Variants in SLC22A23 observed in about 807,000 individuals in gnomAD.
SLC22A23 encodes the protein ion transporter protein.
SLC22A23 carries 26 observed loss-of-function variants against 61.0 expected under a neutral mutation model. The ratio of observed to expected loss-of-function variants is 0.43; its 90% confidence interval spans 0.31 to 0.59. The LOEUF is 0.59. SLC22A23 is among the 20% of genes least tolerant of loss of function. The pLI is 0.11. For synonymous variants in SLC22A23, 430 were observed against 413.9 expected, an observed-to-expected ratio of 1.04 and a Z score of -0.47; for missense variants, 796 against 934.7, an observed-to-expected ratio of 0.85 and a Z score of 1.94.
Position 3,317,113 on chromosome 6 carries a change from CCCTT to C in SLC22A23, c.1082+6717_1082+6720del, listed in dbSNP as rs1310102250. Among the ~76,000 whole-genome samples, 2 of 152,214 alleles carry C rather than the reference CCCTT, an allele frequency of 1.3e-5. No homozygotes were observed. Among genetic ancestry groups the C allele is most frequent in the African/African-American group, 4.8e-5 (2 of 41,450 alleles). ...CAGCCTCTCCAACAGCCTTCTCCCT[CCCTT>C]GTCATTCCTCAATAGTGAATTCCCG... On this transcript the variant is annotated intron_variant, in intron 4 of 9. Coordinates refer to ENST00000406686, the MANE Select transcript of SLC22A23 (RefSeq NM_015482.2). This position sits in a 1 kb window ranked among gnomAD's most constrained non-coding sequence, Gnocchi z 4.4.
In SLC22A23 at chr6:3,372,311, G is replaced by A. The variant is rs1079284; in HGVS notation, c.913+37877C>T. On this transcript the variant is annotated intron_variant, in intron 3 of 9. Transcript: ENST00000406686. The surrounding 1 kb of genome is among the most constrained non-coding windows in gnomAD (Gnocchi z 4.7). ...AAGTAGGGTATGAATGCAGTAACAGGTAACAGGGATTTGAAAATGTGGAAT... is the reference window on the plus strand; with the variant it reads ...AAGTAGGGTATGAATGCAGTAACAGATAACAGGGATTTGAAAATGTGGAAT... Among the ~76,000 whole-genome samples, 60,989 of 152,090 alleles carry A rather than the reference G, an allele frequency of 0.4. 12,624 individuals carry two copies. The highest frequency in any genetic ancestry group is 0.51 in the African/African-American group (20,966 of 41,464).
chr6:3,429,798 C>T (rs1770741436), intron 1 of SLC22A23, among the ~76,000 whole-genome samples: 1 of 152,092 alleles, frequency 6.6e-6, no homozygotes, highest in African/African-American at 2.4e-5. Flanking sequence ...TAAGCCATCA[C>T]TAAAAGACAA....
In SLC22A23 at chr6:3,298,273, G is replaced by C. The variant is rs544477945; in HGVS notation, c.1083-55C>G. The C allele has an allele frequency of 5.2e-6, 8 of 1,551,472 alleles. No individual in the cohort carries two copies. In the African/African-American group the frequency reaches 5.6e-5, roughly 11 times the overall value. ...GTCTTCCGATTCTGCACGGCACCGG[G>C]AAGTGTGGCTTAGGTGTGGCCCGGG... On this transcript the variant is annotated intron_variant, in intron 4 of 9. Transcript: ENST00000406686.
intron 9 of SLC22A23, among the ~76,000 whole-genome samples, chr6:3,280,490 C>CTTTTTT (rs1163139930): frequency 1.0e-4 from 6 of 57,290 alleles, no homozygotes; most frequent in South Asian, 5.7e-4. Context: ...TAAGACACAA[C>CTTTTTT]TTTTTTTTTT....
rs1763509112 is a variant in SLC22A23 at position 3,330,180 on chromosome 6, C to T, written c.914-6178G>A. Among the ~76,000 whole-genome samples, 1 of 152,222 alleles carries T rather than the reference C, an allele frequency of 6.6e-6. No homozygotes were observed. Among genetic ancestry groups the T allele is most frequent in the African/African-American group, 2.4e-5 (1 of 41,456 alleles). ...CTCCTCCCCTCTCCCAGCCCTCCTC[C>T]ATCATCCAATAGACTAGAAGCCCAT... On this transcript the variant is annotated intron_variant, in intron 3 of 9. Transcript: ENST00000406686. This position sits in a 1 kb window ranked among gnomAD's most constrained non-coding sequence, Gnocchi z 4.7.
chr6:3,396,651 G>A (rs889463592), intron 3 of SLC22A23, among the ~76,000 whole-genome samples: 1 of 152,150 alleles, frequency 6.6e-6, no homozygotes, highest in African/African-American at 2.4e-5. Context: ...ACACACAGGC[G>A]GCTGGATGTT....
Position 3,427,795 on chromosome 6 carries a change from A to T in SLC22A23, c.655-11940T>A, listed in dbSNP as rs1019340252. 1.8e-4 allele frequency among the ~76,000 whole-genome samples: 28 copies of T among 152,156 alleles called. No individual in the cohort carries two copies. Among genetic ancestry groups the T allele is most frequent in the Non-Finnish European group, 2.4e-4 (16 of 68,028 alleles). Reference sequence around the variant, plus strand: ...CGATTACACCCAAGAGTGTGTTTTTATTTTCTTCCTTTGAACTAACTATTA... The same window carrying T: ...CGATTACACCCAAGAGTGTGTTTTTTTTTTCTTCCTTTGAACTAACTATTA... On this transcript the variant is annotated intron_variant, in intron 1 of 9. Coordinates refer to ENST00000406686, the MANE Select transcript of SLC22A23 (RefSeq NM_015482.2). This position sits in a 1 kb window ranked among gnomAD's most constrained non-coding sequence, Gnocchi z 4.3.
intron 3 of SLC22A23, among the ~76,000 whole-genome samples, chr6:3,348,816 A>G (rs1764595091): frequency 6.6e-6 from 1 of 152,226 alleles, no homozygotes; most frequent in South Asian, 2.1e-4. Flanking sequence ...TCACAAGGAG[A>G]CAAACCCTTC....
chr6:3,453,274 A>G (rs1157080167), intron 1 of SLC22A23, among the ~76,000 whole-genome samples: 1 of 152,218 alleles, frequency 6.6e-6, no homozygotes, highest in Non-Finnish European at 1.5e-5. Context: ...CTGAGGAGCA[A>G]GTGGCACAAA....
chr6:3,376,733 G>A lies in SLC22A23; in HGVS notation c.913+33455C>T, dbSNP rs541816926. ...AATGGACAGGACAGACAATTATCTC[G>A]TAGACTAGCTGGAGTGAGAAGGCAT... On this transcript the variant is annotated intron_variant, in intron 3 of 9. Coordinates refer to ENST00000406686, the MANE Select transcript of SLC22A23 (RefSeq NM_015482.2). Among the ~76,000 whole-genome samples the A allele has an allele frequency of 2.6e-3, 396 of 152,214 alleles. 6 individuals carry two copies. Among genetic ancestry groups the A allele is most frequent in the South Asian group, 0.015 (72 of 4,828 alleles).
At chr6:3,415,685 T>C in intron 2 of SLC22A23, 67 bp downstream of exon 2, 2 of 1,156,792 alleles carry the variant, frequency 1.7e-6, no homozygotes, top group South Asian at 2.8e-5. Flanking sequence ...ACTGACTATT[T>C]TTCTTTAGCC....
At chr6:3,375,237 T>TCCA (rs1766487304) in intron 3 of SLC22A23, among the ~76,000 whole-genome samples, 1 of 152,222 alleles carries the variant, frequency 6.6e-6, no homozygotes, top group Non-Finnish European at 1.5e-5. Flanking sequence ...AGTTGGTTTA[T>TCCA]CCACCTCTAT....
chr6:3,285,452 C>T (rs570693126), intron 7 of SLC22A23, among the ~76,000 whole-genome samples: 1 of 152,358 alleles, frequency 6.6e-6, no homozygotes, highest in East Asian at 1.9e-4. Flanking sequence ...ATTCAAGCTG[C>T]GTCAAGTGCT....
intron 3 of SLC22A23, among the ~76,000 whole-genome samples, chr6:3,349,326 C>T (rs1250540302): frequency 1.3e-5 from 2 of 152,178 alleles, no homozygotes; most frequent in Non-Finnish European, 2.9e-5. Flanking sequence ...CTCCCCACTT[C>T]CTGGGGACCT....
intron 1 of SLC22A23, among the ~76,000 whole-genome samples, chr6:3,440,754 G>C (rs1771539919): frequency 6.6e-6 from 1 of 151,684 alleles, no homozygotes; most frequent in South Asian, 2.1e-4. Flanking sequence ...GACACACACA[G>C]AGGGAAGACT....
chr6:3,456,291 C>T lies in SLC22A23; in HGVS notation c.269G>A (p.Gly90Asp), dbSNP rs751002225. The T allele has an allele frequency of 7.7e-6, 12 of 1,551,078 alleles. No homozygotes were observed. In the East Asian group the frequency reaches 1.5e-4, roughly 19 times the overall value. ...GGTCTTCTGATAGCCCCCGCCCAGGCCCCCGAGGAAGGGCAGCACCGACCC... is the reference window on the plus strand; with the variant it reads ...GGTCTTCTGATAGCCCCCGCCCAGGTCCCCGAGGAAGGGCAGCACCGACCC... ...YDGSVLPFLG[G>D]LGGGYQKTLV... is the part of the protein sequence containing the mutation. The change falls in exon 1 of 10, where the codon GGC (glycine) becomes GAC (aspartate). Residue 90 changes from glycine (G) to aspartate (D), a missense_variant. Transcript: ENST00000406686. The surrounding 1 kb of genome is among the most constrained non-coding windows in gnomAD (Gnocchi z 7.1).
At chr6:3,431,238 T>C (rs1331854728) in intron 1 of SLC22A23, among the ~76,000 whole-genome samples, 1 of 152,216 alleles carries the variant, frequency 6.6e-6, no homozygotes, top group Non-Finnish European at 1.5e-5. Flanking sequence ...CCTGCACCCA[T>C]GTCACAGAGT....
At chr6:3,429,560 AC>A (rs1312811512) in intron 1 of SLC22A23, among the ~76,000 whole-genome samples, 4 of 151,958 alleles carry the variant, frequency 2.6e-5, no homozygotes, top group Admixed American at 6.6e-5. Flanking sequence ...TAGTCTGTAG[AC>A]CCCCCAAAAG....
Position 3,304,668 on chromosome 6 carries a change from G to A in SLC22A23, c.1083-6450C>T, listed in dbSNP as rs866591052. ...GGGCAGTCCCAGGCAGGTGGTCCAG[G>A]GGCTGGTCAGGGGAGGCTCTGGAGA... On this transcript the variant is annotated intron_variant, in intron 4 of 9. Coordinates refer to ENST00000406686, the MANE Select transcript of SLC22A23 (RefSeq NM_015482.2). This position sits in a 1 kb window ranked among gnomAD's most constrained non-coding sequence, Gnocchi z 4.3. 6.6e-6 allele frequency among the ~76,000 whole-genome samples: 1 copy of A among 152,158 alleles called. No individual in the cohort carries two copies. Among genetic ancestry groups the A allele is most frequent in the South Asian group, 2.1e-4 (1 of 4,820 alleles).
Sources: allele counts gnomAD v4.1 joint callset (sites outside exome capture counted in the v4.1 genomes callset), GRCh38; gene constraint gnomAD v4.1.1; non-coding constraint Gnocchi (gnomAD v3.1); transcripts MANE v1.5; gene names NCBI Gene and HGNC (gene_info 2026-07-23, HGNC 2026-07-21).